ANO4: variants seen among roughly 807,000 people sequenced by gnomAD.
ANO4 encodes anoctamin-4.
In ANO4, 69 loss-of-function variants were observed where a neutral mutation model predicts 141.9. That is an observed-to-expected ratio of 0.49 (90% CI 0.40 to 0.59). ANO4 has a LOEUF of 0.59. Ranked by LOEUF, ANO4 falls within the 20% of genes least tolerant of loss-of-function variation. ANO4 has a pLI of 0.00. For missense variants in ANO4, 894 were observed against 1,162.2 expected, an observed-to-expected ratio of 0.77 and a Z score of 3.36; for synonymous variants, 350 against 394.3, an observed-to-expected ratio of 0.89 and a Z score of 1.33.
chr12:101,089,299 A>G (rs2049644750), intron 17 of ANO4, among the ~76,000 whole-genome samples: 2 of 152,198 alleles, frequency 1.3e-5, no homozygotes, highest in South Asian at 4.1e-4. Context: ...CATTATTAGT[A>G]TTAAAATACA....
intron 14 of ANO4, chr12:101,068,964 C>T (rs2048704838): frequency 1.3e-6 from 1 of 782,660 alleles, no homozygotes; most frequent in Non-Finnish European, 2.3e-6. Flanking sequence ...GCACCAAAGC[C>T]CTCATTGACT....
intron 3 of ANO4, among the ~76,000 whole-genome samples, chr12:100,934,582 T>A (rs1228408073): frequency 6.6e-6 from 1 of 152,194 alleles, no homozygotes; most frequent in Non-Finnish European, 1.5e-5. Context: ...GGGCTCTTTT[T>A]TGGTTCCATA....
chr12:100,866,716 A>C (rs1365591034), intron 1 of ANO4, among the ~76,000 whole-genome samples: 1 of 152,180 alleles, frequency 6.6e-6, no homozygotes, highest in Non-Finnish European at 1.5e-5. Flanking sequence ...CATGTGGTCA[A>C]GCTCAAGGTC....
At chr12:101,106,634 A>G (rs947479316) in intron 22 of ANO4, among the ~76,000 whole-genome samples, 1 of 149,672 alleles carries the variant, frequency 6.7e-6, no homozygotes, top group African/African-American at 2.5e-5. Context: ...CATGTCAGCA[A>G]TTGTCTCTAT....
chr12:100,898,488 C>A (rs2040444726), intron 1 of ANO4, among the ~76,000 whole-genome samples: 2 of 152,148 alleles, frequency 1.3e-5, no homozygotes, highest in Non-Finnish European at 2.9e-5. Flanking sequence ...TTAAAGATTC[C>A]TTCCAAATTT....
intron 1 of ANO4, among the ~76,000 whole-genome samples, chr12:100,798,871 G>A (rs554576878): frequency 1.3e-5 from 2 of 152,260 alleles, no homozygotes; most frequent in East Asian, 1.9e-4. Context: ...CCTTAATTAG[G>A]CATCTGCTGA....
rs776248617 is a variant in ANO4 at position 101,128,093 on chromosome 12, C to G, written c.*237C>G. 6.6e-6 allele frequency: 1 copy of G among 152,668 alleles called. No individual in the cohort carries two copies. The highest frequency in any genetic ancestry group is 1.5e-5 in the Non-Finnish European group (1 of 68,054). The allele number at this position is 152,668 out of a possible 1,614,324, so 9.5% of individuals were successfully genotyped here. A position where few individuals can be genotyped will look rare whatever the true frequency, so the allele number is the denominator to read the frequency against. ...TATCCATAGACCATTCTTGACCAAG[C>G]AAGCATGCACATTATGGGCAGTTAC... On this transcript the variant is annotated 3_prime_UTR_variant, in exon 28 of 28. Coordinates refer to ENST00000392977, the MANE Select transcript of ANO4 (RefSeq NM_001286615.2).
intron 8 of ANO4, among the ~76,000 whole-genome samples, chr12:101,011,919 A>G (rs1473255824): frequency 6.6e-6 from 1 of 152,114 alleles, no homozygotes; most frequent in Admixed American, 6.6e-5. Context: ...TTAACCATGC[A>G]GATTTTCATA....
chr12:100,991,755 G>T (rs1397326432), intron 8 of ANO4, among the ~76,000 whole-genome samples: 1 of 151,894 alleles, frequency 6.6e-6, no homozygotes, highest in Non-Finnish European at 1.5e-5. Context: ...ACTCATTTTT[G>T]AATCCCATAG....
At chr12:100,948,297 A>G (rs918324039) in intron 5 of ANO4, among the ~76,000 whole-genome samples, 50 of 152,246 alleles carry the variant, frequency 3.3e-4, no homozygotes, top group South Asian at 4.2e-4. Flanking sequence ...TTATGCCTCT[A>G]GTAGCCATAG....
In ANO4 at chr12:100,872,151, C is replaced by T. The variant is rs1004625; in HGVS notation, c.-140-29495C>T. 6.0e-3 allele frequency among the ~76,000 whole-genome samples: 913 copies of T among 152,192 alleles called. 8 individuals carry two copies. Among genetic ancestry groups the T allele is most frequent in the African/African-American group, 0.021 (883 of 41,466 alleles). On this transcript the variant is annotated intron_variant, in intron 1 of 27. Coordinates refer to ENST00000392977, the MANE Select transcript of ANO4 (RefSeq NM_001286615.2). Reference sequence around the variant, plus strand: ...ATTATTCATTCATTCATTCATTCAACATTTATTGAATACCTTACTAAATGG... The same window carrying T: ...ATTATTCATTCATTCATTCATTCAATATTTATTGAATACCTTACTAAATGG...
At position 100,764,145 on chromosome 12, in the gene ANO4, T is replaced by A. The variant is rs552121517; in HGVS notation, c.358+24040T>A. Among the ~76,000 whole-genome samples the A allele has an allele frequency of 3.9e-3, 591 of 152,376 alleles. 5 individuals carry two copies. Among genetic ancestry groups the A allele is most frequent in the African/African-American group, 0.013 (560 of 41,592 alleles). On this transcript the variant is annotated intron_variant, in intron 3 of 29. Transcript: ENST00000644049. ...GAATATCTTCTGCTATTGTCATTTT[T>A]AAATGCAATTTCATTACATTAATAA...
At chr12:100,776,853 G>A (rs902910982) in intron 3 of ANO4, among the ~76,000 whole-genome samples, 4 of 152,130 alleles carry the variant, frequency 2.6e-5, no homozygotes, top group African/African-American at 9.7e-5. Context: ...GACTGGCTGG[G>A]GATGAGAGGA....
At chr12:101,114,043 G>A (rs1048688363) in intron 24 of ANO4, among the ~76,000 whole-genome samples, 1 of 152,154 alleles carries the variant, frequency 6.6e-6, no homozygotes, top group Non-Finnish European at 1.5e-5. Flanking sequence ...CTGATCATCA[G>A]TGTAGCCTCA....
At chr12:100,877,736 G>T (rs548405773) in intron 1 of ANO4, among the ~76,000 whole-genome samples, 1 of 152,224 alleles carries the variant, frequency 6.6e-6, no homozygotes, top group African/African-American at 2.4e-5. Flanking sequence ...CAGCTGCTCA[G>T]GTGCAAGTAC....
At position 101,030,224 on chromosome 12, in the gene ANO4, G is replaced by A. The variant is rs1294344290; in HGVS notation, c.842-6871G>A. 2.0e-5 allele frequency among the ~76,000 whole-genome samples: 3 copies of A among 152,072 alleles called. No individual in the cohort carries two copies. In the East Asian group the frequency reaches 5.8e-4, roughly 29 times the overall value. Reference sequence around the variant, plus strand: ...TATTCTAAAATTGACCACATAATTGGAAGTAAAACACTCCTCAGCAAATGC... The same window carrying A: ...TATTCTAAAATTGACCACATAATTGAAAGTAAAACACTCCTCAGCAAATGC... On this transcript the variant is annotated intron_variant, in intron 9 of 27. Transcript: ENST00000392977.
At chr12:100,924,812 T>C (rs146450951) in intron 3 of ANO4, among the ~76,000 whole-genome samples, 1 of 151,824 alleles carries the variant, frequency 6.6e-6, no homozygotes, top group African/African-American at 2.4e-5. Flanking sequence ...ATTTAAGGAG[T>C]GGGGGCTAGA....
intron 3 of ANO4, among the ~76,000 whole-genome samples, chr12:100,926,466 A>G (rs938367796): frequency 2.6e-5 from 4 of 152,086 alleles, no homozygotes; most frequent in Admixed American, 6.6e-5. Context: ...GCAGTGGTGA[A>G]TGTTTGGTAC....
intron 25 of ANO4, among the ~76,000 whole-genome samples, chr12:101,118,194 A>G (rs907542801): frequency 2.0e-5 from 3 of 152,202 alleles, no homozygotes; most frequent in Admixed American, 2.0e-4. Context: ...CCTAAGTATG[A>G]AATGCTTCAA....
Sources: gnomAD v4.1 joint callset for allele counts (sites outside exome capture counted in the v4.1 genomes callset) on GRCh38, gnomAD v4.1.1 for gene constraint, MANE v1.5 for transcripts, NCBI Gene and HGNC (gene_info 2026-07-23, HGNC 2026-07-21) for gene names.